The following DYSF variants were observed in gnomAD, a reference collection of about 807,000 sequenced individuals.
DYSF encodes the protein dysferlin, also known as dystrophy-associated fer-1-like 1.
DYSF carries 212 observed loss-of-function variants against 274.9 expected under a neutral mutation model. The observed-to-expected ratio is 0.77, with a 90% CI of 0.69 to 0.86. The LOEUF is 0.86. Ranked by LOEUF, DYSF falls within the 40% of genes least tolerant of loss-of-function variation. The pLI, the probability that DYSF is intolerant of heterozygous loss-of-function variation, is 0.00. For missense variants in DYSF, 2,666 were observed against 2,783.2 expected, an observed-to-expected ratio of 0.96 and a Z score of 0.95; for synonymous variants, 1,091 against 1,078.7, an observed-to-expected ratio of 1.01 and a Z score of -0.22.
chr2:71,528,775 G>C (rs978467329), intron 14 of DYSF, among the ~76,000 whole-genome samples: 6 of 152,194 alleles, frequency 3.9e-5, no homozygotes, highest in African/African-American at 1.4e-4. Context: ...AAACATAATG[G>C]TTATTTAAAA....
chr2:71,552,022 A>C (rs2090987637), intron 19 of DYSF, among the ~76,000 whole-genome samples: 3 of 152,240 alleles, frequency 2.0e-5, no homozygotes, highest in African/African-American at 7.2e-5. Context: ...GCTAACTGTT[A>C]AGTCAAATAA....
intron 36 of DYSF, 112 bp downstream of exon 36, chr2:71,602,917 G>A: frequency 1.5e-6 from 2 of 1,295,402 alleles, no homozygotes; most frequent in South Asian, 2.5e-5. Flanking sequence ...GCAGGCATCT[G>A]TCACATGGAG....
chr2:71,492,363 G>C (rs1001816316), intron 3 of DYSF, among the ~76,000 whole-genome samples: 1 of 152,166 alleles, frequency 6.6e-6, no homozygotes, highest in Non-Finnish European at 1.5e-5. Context: ...TTCCTCCCCT[G>C]TATGGCATGT....
chr2:71,613,471 C>A, intron 40 of DYSF, 61 bp downstream of exon 40: 2 of 1,356,622 alleles, frequency 1.5e-6, no homozygotes, highest in Non-Finnish European at 2.1e-6. Flanking sequence ...CTCATCAATT[C>A]CCACCCCTTC....
chr2:71,684,997 G>A (rs1172699338), intron 55 of DYSF, among the ~76,000 whole-genome samples: 1 of 152,186 alleles, frequency 6.6e-6, no homozygotes, highest in Admixed American at 6.5e-5. Context: ...GGTCCAAAGT[G>A]GCATCACCAC....
chr2:71,568,611 A>AGT (rs1160419143), intron 26 of DYSF, among the ~76,000 whole-genome samples: 1 of 150,894 alleles, frequency 6.6e-6, no homozygotes, highest in Admixed American at 6.6e-5. Flanking sequence ...TGGAGGCTGG[A>AGT]GTGCAGTAGC....
chr2:71,601,530 T>A lies in DYSF; in HGVS notation c.3927+2T>A. The A allele has an allele frequency of 6.2e-7, 1 of 1,614,166 alleles. No individual in the cohort carries two copies. Among genetic ancestry groups the A allele is most frequent in the Non-Finnish European group, 8.5e-7 (1 of 1,180,018 alleles). On this transcript the variant is annotated splice_donor_variant, in intron 35 of 55. Coordinates refer to ENST00000410020, the MANE Select transcript of DYSF (RefSeq NM_001130987.2). LOFTEE classifies it high-confidence loss of function. ...ATCCACCATATTCCTGGTTTTGAGG[T>A]AAGTCTTGCTCTGACCTTTCCTTCT...
In DYSF at chr2:71,469,832, C is replaced by T. The variant is rs190567358; in HGVS notation, c.91+2899C>T. On this transcript the variant is annotated intron_variant, in intron 1 of 55. Transcript: ENST00000410020. ...ATTTTTGACTGATTGTGTCAACGAGCAGCTTAATTTCCTATAGCATTTAAT... is the reference window on the plus strand; with the variant it reads ...ATTTTTGACTGATTGTGTCAACGAGTAGCTTAATTTCCTATAGCATTTAAT... 1.3e-3 allele frequency among the ~76,000 whole-genome samples: 195 copies of T among 152,308 alleles called. 2 individuals are homozygous for T. The highest frequency in any genetic ancestry group is 4.3e-3 in the African/African-American group (177 of 41,566).
chr2:71,478,293 G>A (rs1282918915), intron 1 of DYSF, among the ~76,000 whole-genome samples: 2 of 150,582 alleles, frequency 1.3e-5, no homozygotes, highest in Non-Finnish European at 3.0e-5. Flanking sequence ...CTCACTGCAA[G>A]CCCCGCCTCC....
In DYSF at chr2:71,572,230, C is replaced by CACACAG. The variant is rs1270553762; in HGVS notation, c.3228+1490_3228+1491insCACAGA. On this transcript the variant is annotated intron_variant, in intron 29 of 55. Transcript: ENST00000410020. Reference sequence around the variant, plus strand: ...CACCCAGCACAGATCACACCCAGCACATGCACAGATCACACCTAGCACACC... The same window carrying CACACAG: ...CACCCAGCACAGATCACACCCAGCACACACAGATGCACAGATCACACCTAGCACACC... Among the ~76,000 whole-genome samples, 503 of 118,404 alleles carry CACACAG rather than the reference C, an allele frequency of 4.2e-3. 2 individuals are homozygous for CACACAG. The highest frequency in any genetic ancestry group is 0.012 in the African/African-American group (363 of 29,560). The allele number at this position is 118,404 out of a possible 152,430, so 77.7% of individuals were successfully genotyped here.
rs78115186 is a variant in DYSF at position 71,539,492 on chromosome 2, T to A, written c.1576+253T>A. ...GATAATTCACTCCTGCAGAGAATATTGGCTGGCTGTGGCCATGCCATCCAT... is the reference window on the plus strand; with the variant it reads ...GATAATTCACTCCTGCAGAGAATATAGGCTGGCTGTGGCCATGCCATCCAT... On this transcript the variant is annotated intron_variant, in intron 17 of 55. Transcript: ENST00000410020. Among the ~76,000 whole-genome samples, 19,197 of 152,224 alleles carry A rather than the reference T, an allele frequency of 0.13. 1,368 individuals are homozygous for A. Among genetic ancestry groups the A allele is most frequent in the African/African-American group, 0.18 (7,580 of 41,510 alleles).
At position 71,600,685 on chromosome 2, in the gene DYSF, C is replaced by T. The variant is rs757864395; in HGVS notation, c.3757-17C>T. The T allele has an allele frequency of 4.3e-6, 7 of 1,613,958 alleles. No homozygotes were observed. The Admixed American group carries it at 6.7e-5, about 15-fold the overall frequency. ...GGGTAAGGGATGCTGATTCTTGTCT[C>T]TCTACGCTTGGTCTAGGGTGCAGAC... is the stretch of plus-strand genomic sequence containing the variant. On this transcript the variant is annotated splice_polypyrimidine_tract_variant and intron_variant, in intron 33 of 55. Transcript: ENST00000410020.
chr2:71,478,356 T>C lies in DYSF; in HGVS notation c.92-2527T>C, dbSNP rs570874798. On this transcript the variant is annotated intron_variant, in intron 1 of 55. Transcript: ENST00000410020. ...CCTCCCGAGCAGCTGGGACTACAGG[T>C]GCCAGCCACCATGCCCGGCTAATTT... Among the ~76,000 whole-genome samples the C allele has an allele frequency of 2.4e-3, 369 of 151,956 alleles. 3 individuals are homozygous for C. The highest frequency in any genetic ancestry group is 2.0e-3 in the Non-Finnish European group (135 of 67,954).
At chr2:71,558,851 G>A (rs2091520713) in intron 22 of DYSF, among the ~76,000 whole-genome samples, 3 of 152,078 alleles carry the variant, frequency 2.0e-5, no homozygotes, top group Non-Finnish European at 1.5e-5. Flanking sequence ...GGAGCAATTC[G>A]CTCAGCTCCA....
intron 41 of DYSF, among the ~76,000 whole-genome samples, chr2:71,631,124 AG>A (rs1454945036): frequency 1.3e-5 from 2 of 152,192 alleles, no homozygotes; most frequent in Non-Finnish European, 1.5e-5. Flanking sequence ...TTTGAAGCAA[AG>A]GTTTTCTGAG....
intron 41 of DYSF, 131 bp from the exon 42 acceptor site, chr2:71,643,833 TC>T: frequency 4.1e-6 from 3 of 734,498 alleles, no homozygotes; most frequent in Non-Finnish European, 2.5e-6. Flanking sequence ...CTCTCTCTGC[TC>T]CCCCACATCA....
chr2:71,486,643 GT>G (rs2083391817), intron 3 of DYSF, among the ~76,000 whole-genome samples: 1 of 152,182 alleles, frequency 6.6e-6, no homozygotes, highest in Non-Finnish European at 1.5e-5. Context: ...TCTGGGAACT[GT>G]CTCTGGGCTG....
intron 55 of DYSF, among the ~76,000 whole-genome samples, chr2:71,686,084 G>T (rs974445097): frequency 6.6e-6 from 1 of 152,222 alleles, no homozygotes; most frequent in African/African-American, 2.4e-5. Context: ...CAGGTCCAGG[G>T]TGCTCAGAGT....
Position 71,679,138 on chromosome 2 carries a change from C to G in DYSF, c.5966C>G (p.Ala1989Gly). 1 of 1,614,076 alleles carries G rather than the reference C, an allele frequency of 6.2e-7. No homozygotes were observed. The highest frequency in any genetic ancestry group is 8.5e-7 in the Non-Finnish European group (1 of 1,179,982). Residue 1989 changes from alanine to glycine, a missense_variant, in exon 53 of 56, where the codon GCT becomes GGT. Physicochemically the swap from Ala to Gly is moderately conservative, Grantham distance 60. This residue lies in a region of DYSF where 1,460 missense variants were observed against 1,502.1 expected (regional missense o/e 0.97). Transcript: ENST00000410020. ...TGCTCCTTGGACCAGCTGGATGATG[C>G]TTTCCACCCAGAATGGTTTGTGTCC... ...KKCSLDQLDD[A>G]FHPEWFVSLF...
Sources: allele counts gnomAD v4.1 joint callset (sites outside exome capture counted in the v4.1 genomes callset), GRCh38; gene constraint gnomAD v4.1.1; regional missense constraint gnomAD v4.1.1; transcripts MANE v1.5; gene names NCBI Gene and HGNC (gene_info 2026-07-23, HGNC 2026-07-21).